The following NR2F1-AS1 variants were observed in gnomAD, a reference collection of about 807,000 sequenced individuals.
NR2F1-AS1 encodes the protein NR2F1 antisense RNA 1.
intron 4 of NR2F1-AS1, among the ~76,000 whole-genome samples, chr5:93,546,286 A>G (rs1190282803): frequency 1.3e-5 from 2 of 152,226 alleles, no homozygotes; most frequent in African/African-American, 2.4e-5. Flanking sequence ...TAGATTAAAT[A>G]AAGGGCATGG....
At chr5:93,414,335 G>A (rs1445161814) in intron 4 of NR2F1-AS1, among the ~76,000 whole-genome samples, 1 of 152,156 alleles carries the variant, frequency 6.6e-6, no homozygotes, top group Non-Finnish European at 1.5e-5. Context: ...AATTTAAAGA[G>A]ATGAATGGCC....
chr5:93,426,817 T>C (rs1453339952), intron 4 of NR2F1-AS1, among the ~76,000 whole-genome samples: 1 of 152,150 alleles, frequency 6.6e-6, no homozygotes, highest in African/African-American at 2.4e-5. Context: ...GCAGTTTTAC[T>C]GAGAGCTGGG....
chr5:93,478,166 A>G (rs762770255), intron 4 of NR2F1-AS1, among the ~76,000 whole-genome samples: 12 of 152,126 alleles, frequency 7.9e-5, no homozygotes, highest in Non-Finnish European at 1.5e-4. Flanking sequence ...TGACCCACCC[A>G]CAGATTTGGG....
At chr5:93,518,646 T>C (rs1580296517) in intron 4 of NR2F1-AS1, among the ~76,000 whole-genome samples, 1 of 152,242 alleles carries the variant, frequency 6.6e-6, no homozygotes, top group East Asian at 1.9e-4. Context: ...ACAGATATAA[T>C]TACATTTCTC....
intron 4 of NR2F1-AS1, among the ~76,000 whole-genome samples, chr5:93,497,267 G>A (rs895887282): frequency 1.3e-5 from 2 of 152,142 alleles, no homozygotes; most frequent in Admixed American, 6.5e-5. Context: ...GAAATGACTT[G>A]GAGAGCAATG....
chr5:93,502,432 T>C (rs866155067), intron 4 of NR2F1-AS1, among the ~76,000 whole-genome samples: 1 of 152,158 alleles, frequency 6.6e-6, no homozygotes, highest in Non-Finnish European at 1.5e-5. Context: ...CAAGAGTATA[T>C]GCAGACAGCA....
Position 93,560,805 on chromosome 5 carries a change from A to T in NR2F1-AS1, n.413+2559T>A, listed in dbSNP as rs183109836. 2.3e-3 allele frequency among the ~76,000 whole-genome samples: 355 copies of T among 152,362 alleles called. 1 individual carries two copies. The highest frequency in any genetic ancestry group is 8.2e-3 in the African/African-American group (342 of 41,580). On this transcript the variant is annotated intron_variant and non_coding_transcript_variant, in intron 2 of 5. Transcript: ENST00000660523. ...CAAAAGGACCTTGTTATATCATGCA[A>T]ACAATCTACAAAAGATACAAATTAT...
At chr5:93,507,137 C>T (rs1376373634) in intron 4 of NR2F1-AS1, among the ~76,000 whole-genome samples, 1 of 152,046 alleles carries the variant, frequency 6.6e-6, no homozygotes, top group Non-Finnish European at 1.5e-5. Context: ...AAAAAAAATT[C>T]AACATCCATA....
At chr5:93,493,602 A>G (rs1328145034) in intron 4 of NR2F1-AS1, among the ~76,000 whole-genome samples, 1 of 152,124 alleles carries the variant, frequency 6.6e-6, no homozygotes. Flanking sequence ...AAAACTTACT[A>G]CATAGCTAAA....
intron 4 of NR2F1-AS1, among the ~76,000 whole-genome samples, chr5:93,506,119 G>A (rs1751180342): frequency 6.6e-6 from 1 of 152,046 alleles, no homozygotes; most frequent in African/African-American, 2.4e-5. Flanking sequence ...TCTCTCTCAA[G>A]TTCAGAGTTC....
intron 1 of NR2F1-AS1, among the ~76,000 whole-genome samples, chr5:93,568,173 G>A (rs1006211536): frequency 6.6e-6 from 1 of 152,144 alleles, no homozygotes; most frequent in Non-Finnish European, 1.5e-5. Context: ...CAGCAAGCAA[G>A]TCAGATTATA....
At chr5:93,541,362 C>A (rs1751946569) in intron 4 of NR2F1-AS1, among the ~76,000 whole-genome samples, 1 of 152,162 alleles carries the variant, frequency 6.6e-6, no homozygotes, top group Non-Finnish European at 1.5e-5. Flanking sequence ...ACTTTTTCCT[C>A]CTGGGAACAA....
chr5:93,577,250 G>T (rs892134128), intron 1 of NR2F1-AS1, among the ~76,000 whole-genome samples: 1 of 152,188 alleles, frequency 6.6e-6, no homozygotes, highest in East Asian at 1.9e-4. Flanking sequence ...TTAAATGACC[G>T]GTTTGAGATA....
At chr5:93,425,286 G>A (rs1353266616) in intron 4 of NR2F1-AS1, among the ~76,000 whole-genome samples, 1 of 152,138 alleles carries the variant, frequency 6.6e-6, no homozygotes, top group East Asian at 1.9e-4. Flanking sequence ...ATGACTGCTG[G>A]CAAGAGCCTC....
rs193147301 is a variant in NR2F1-AS1 at position 93,525,973 on chromosome 5, A to G, written n.638+27788T>C. Among the ~76,000 whole-genome samples, 851 of 152,282 alleles carry G rather than the reference A, an allele frequency of 5.6e-3. 7 individuals carry two copies. Among genetic ancestry groups the G allele is most frequent in the Admixed American group, 0.014 (208 of 15,288 alleles). ...TAGAGAAGCAAGAGCAAAAAAATTC[A>G]AAAGCTATAGGAAGACAAGAAGTAA... On this transcript the variant is annotated intron_variant and non_coding_transcript_variant, in intron 4 of 5. Transcript: ENST00000660523.
At chr5:93,419,131 T>C (rs886377109) in intron 4 of NR2F1-AS1, among the ~76,000 whole-genome samples, 6 of 152,242 alleles carry the variant, frequency 3.9e-5, no homozygotes, top group Middle Eastern at 3.2e-3. Flanking sequence ...TGAAGGATGA[T>C]TAATTATGGA....
intron 4 of NR2F1-AS1, among the ~76,000 whole-genome samples, chr5:93,475,510 T>C (rs1651037777): frequency 6.6e-6 from 1 of 152,206 alleles, no homozygotes; most frequent in African/African-American, 2.4e-5. Flanking sequence ...CTGATAGAAT[T>C]ACAGTACAGC....
intron 4 of NR2F1-AS1, among the ~76,000 whole-genome samples, chr5:93,487,041 C>T (rs1445974802): frequency 6.6e-6 from 1 of 152,126 alleles, no homozygotes; most frequent in South Asian, 2.1e-4. Context: ...TGATAAAATT[C>T]AACACCCCTT....
Position 93,470,323 on chromosome 5 carries a change from T to C in NR2F1-AS1, n.639-74781A>G, listed in dbSNP as rs537019719. ...AGTTTGAGAGCATATGACCTTGTTATCTACATACTATAATAAAAAATTGTT... is the reference window on the plus strand; with the variant it reads ...AGTTTGAGAGCATATGACCTTGTTACCTACATACTATAATAAAAAATTGTT... On this transcript the variant is annotated intron_variant and non_coding_transcript_variant, in intron 4 of 5. Coordinates refer to ENST00000660523, the Ensembl canonical transcript of NR2F1-AS1. Among the ~76,000 whole-genome samples, 4 of 152,052 alleles carry C rather than the reference T, an allele frequency of 2.6e-5. No individual in the cohort carries two copies. In the East Asian group the frequency reaches 7.7e-4, roughly 29 times the overall value.
Sources: gnomAD v4.1 joint callset for allele counts (sites outside exome capture counted in the v4.1 genomes callset) on GRCh38, gnomAD v4.1.1 for gene constraint, MANE v1.5 for transcripts, NCBI Gene and HGNC (gene_info 2026-07-23, HGNC 2026-07-21) for gene names.